CEMIP2: variants seen among roughly 807,000 people sequenced by gnomAD.
The protein encoded by CEMIP2 is cell migration inducing hyaluronidase 2, also known as cell surface hyaluronidase CEMIP2.
CEMIP2 carries 79 observed loss-of-function variants against 146.9 expected under a neutral mutation model. The ratio of observed to expected loss-of-function variants is 0.54; its 90% CI spans 0.45 to 0.65. CEMIP2 has a LOEUF of 0.65. Among genes scored for constraint, CEMIP2 ranks in the 30% least tolerant of loss-of-function variants. The pLI is 0.00. For missense variants in CEMIP2, 1,596 were observed against 1,696.2 expected (o/e 0.94, Z 1.04); for synonymous variants, 601 against 606.3 (o/e 0.99, Z 0.13).
chr9:71,702,405 G>A (rs377585505), intron 18 of CEMIP2, among the ~76,000 whole-genome samples: 9 of 150,244 alleles, frequency 6.0e-5, no homozygotes, highest in East Asian at 3.9e-4. Context: ...GCGGGGGGGC[G>A]GGCAGGAGAA....
Position 71,750,205 on chromosome 9 carries a change from G to C in CEMIP2, c.169C>G (p.Arg57Gly). 1 of 1,613,994 alleles carries C rather than the reference G, an allele frequency of 6.2e-7. No homozygotes were observed. Among genetic ancestry groups the C allele is most frequent in the Non-Finnish European group, 8.5e-7 (1 of 1,179,994 alleles). The change falls in exon 2 of 24, where the codon CGG becomes GGG. Residue 57 changes from arginine to glycine, a missense_variant. Arg to Gly is a moderately radical substitution (Grantham distance 125). Transcript: ENST00000377044. Reference protein sequence around the residue: ...AKFTSIRREDRATFAFSPEEQ... With the variant: ...AKFTSIRREDGATFAFSPEEQ... ...TCAGGTGAGAATGCGAAGGTTGCCC[G>C]GTCTTCTCGTCTGATGGAGGTAAAT...
chr9:71,718,426 T>C lies in CEMIP2; in HGVS notation c.2268-347A>G, dbSNP rs147743369. Among the ~76,000 whole-genome samples the C allele has an allele frequency of 4.5e-3, 692 of 152,284 alleles. 5 individuals are homozygous for C. The highest frequency in any genetic ancestry group is 0.016 in the African/African-American group (654 of 41,558). ...ATCCTTAAGGTACATGTTACCAATA[T>C]AAACTTATTTAATAAATTAATAATA... On this transcript the variant is annotated intron_variant, in intron 12 of 23. Transcript: ENST00000377044.
intron 17 of CEMIP2, among the ~76,000 whole-genome samples, chr9:71,707,301 C>T (rs1444675924): frequency 6.6e-6 from 1 of 151,878 alleles, no homozygotes; most frequent in Non-Finnish European, 1.5e-5. Flanking sequence ...AGTTAATTCT[C>T]CATCCCTTCT....
chr9:71,728,223 CTCTCTCTCTATA>C lies in CEMIP2; in HGVS notation c.2049+1610_2049+1621del, dbSNP rs1308476547. Among the ~76,000 whole-genome samples the C allele has an allele frequency of 5.4e-4, 12 of 22,224 alleles. 1 individual carries two copies. The highest frequency in any genetic ancestry group is 3.6e-3 in the East Asian group (2 of 554). 14.6% of individuals were successfully genotyped at this position (22,224 alleles called of 152,430 possible). On this transcript the variant is annotated intron_variant, in intron 10 of 23. Transcript: ENST00000377044. ...TCTCTCTCTCTCTCTCTCTCTCTCT[CTCTCTCTCTATA>C]TATATATATATATATGTATATACAC... is the stretch of plus-strand genomic sequence containing the variant.
chr9:71,746,466 AT>A, intron 2 of CEMIP2, 125 bp from the exon 3 acceptor site: 1 of 1,143,198 alleles, frequency 8.7e-7, no homozygotes, highest in Non-Finnish European at 1.2e-6. Flanking sequence ...ATTTCCTGCC[AT>A]TAGAATGGAA....
chr9:71,765,615 C>T (rs1388930699), intron 1 of CEMIP2, among the ~76,000 whole-genome samples: 3 of 152,176 alleles, frequency 2.0e-5, no homozygotes, highest in Non-Finnish European at 4.4e-5. Context: ...TTTTATTTCT[C>T]ACAAAATTGC....
At chr9:71,715,625 G>GATATATATAT (rs71790721) in intron 14 of CEMIP2, among the ~76,000 whole-genome samples, 25,021 of 118,462 alleles carry the variant, frequency 0.21, 3,798 homozygotes, top group Non-Finnish European at 0.3. Flanking sequence ...TCCCTCTTAA[G>GATATATATAT]ATATATATAT....
chr9:71,733,437 T>A (rs1486414689), intron 6 of CEMIP2, among the ~76,000 whole-genome samples: 2 of 152,094 alleles, frequency 1.3e-5, no homozygotes, highest in Non-Finnish European at 2.9e-5. Context: ...AGTTTTGGGG[T>A]TTTTTTGTTG....
intron 10 of CEMIP2, among the ~76,000 whole-genome samples, chr9:71,728,829 G>GTGTGTC (rs1318059951): frequency 2.7e-5 from 4 of 150,396 alleles, no homozygotes; most frequent in Admixed American, 1.3e-4. Context: ...GTGTGTGTGT[G>GTGTGTC]TGTGTGTGTG....
chr9:71,717,856 C>T, intron 13 of CEMIP2, 92 bp downstream of exon 13: 1 of 1,202,134 alleles, frequency 8.3e-7, no homozygotes, highest in Non-Finnish European at 1.1e-6. Flanking sequence ...TTCCAAGAAT[C>T]ATCACTGTGC....
chr9:71,759,184 A>G (rs1320015171), intron 1 of CEMIP2, among the ~76,000 whole-genome samples: 5 of 152,150 alleles, frequency 3.3e-5, no homozygotes, highest in Non-Finnish European at 7.4e-5. Context: ...TGCTTTATCT[A>G]TTTGATCGAT....
chr9:71,730,459 G>A (rs62547029), intron 8 of CEMIP2, among the ~76,000 whole-genome samples: 10,707 of 151,868 alleles, frequency 0.071, 544 homozygotes, highest in South Asian at 0.19. Flanking sequence ...ATAAAAATAA[G>A]TTGTAAATAA....
intron 1 of CEMIP2, among the ~76,000 whole-genome samples, chr9:71,755,538 A>G (rs1034764456): frequency 3.3e-5 from 5 of 151,690 alleles, no homozygotes; most frequent in Admixed American, 3.3e-4. Flanking sequence ...ACAGAGTAAG[A>G]CTCTCTAAAA....
chr9:71,712,459 T>C (rs1822934250), intron 15 of CEMIP2, 199 bp from the exon 16 acceptor site: 1 of 574,092 alleles, frequency 1.7e-6, no homozygotes, highest in African/African-American at 1.9e-5. Flanking sequence ...CAAAGGATCA[T>C]TTCAGAAAAT....
At position 71,683,999 on chromosome 9, in the gene CEMIP2, TG is replaced by T. The variant is rs1284619087; in HGVS notation, c.*1197del. The T allele has an allele frequency of 1.3e-5, 2 of 152,186 alleles. No homozygotes were observed. The highest frequency in any genetic ancestry group is 4.8e-5 in the African/African-American group (2 of 41,432). 9.4% of individuals were successfully genotyped at this position (152,186 alleles called of 1,614,324 possible). A position where few individuals can be genotyped will look rare whatever the true frequency, so the allele number is the denominator to read the frequency against. On this transcript the variant is annotated 3_prime_UTR_variant, in exon 24 of 24. Coordinates refer to ENST00000377044, the MANE Select transcript of CEMIP2 (RefSeq NM_013390.3). ...GGAGCCAGTTGCCTCTTGCCGCATG[TG>T]ATTCACCAGCAGGAGACGCATGCAC...
chr9:71,733,007 C>T (rs982769131), intron 6 of CEMIP2, among the ~76,000 whole-genome samples: 5 of 152,114 alleles, frequency 3.3e-5, no homozygotes, highest in Admixed American at 1.3e-4. Flanking sequence ...GATCTATAAT[C>T]TTTCTCTCCA....
At chr9:71,685,459 AATAT>A in intron 23 of CEMIP2, 66 bp from the exon 24 acceptor site, 1 of 1,407,890 alleles carries the variant, frequency 7.1e-7, no homozygotes, top group Admixed American at 2.9e-5. Flanking sequence ...CCAGCAAGAG[AATAT>A]AGGAGGTGAG....
chr9:71,739,470 C>T (rs891478079), intron 5 of CEMIP2, among the ~76,000 whole-genome samples: 1 of 149,358 alleles, frequency 6.7e-6, no homozygotes, highest in African/African-American at 2.5e-5. Context: ...TGCTAAGAAA[C>T]GCTTCTTATC....
chr9:71,753,175 G>A (rs1824312234), intron 1 of CEMIP2, among the ~76,000 whole-genome samples: 1 of 152,060 alleles, frequency 6.6e-6, no homozygotes, highest in Admixed American at 6.6e-5. Flanking sequence ...GGGAATCACA[G>A]CCCTAATCTG....
Sources: allele counts gnomAD v4.1 joint callset (sites outside exome capture counted in the v4.1 genomes callset), GRCh38; gene constraint gnomAD v4.1.1; transcripts MANE v1.5; gene names NCBI Gene and HGNC (gene_info 2026-07-23, HGNC 2026-07-21).